Variants in CACNB2 observed in about 807,000 individuals in gnomAD.
CACNB2 encodes voltage-dependent L-type calcium channel subunit beta-2.
Under a neutral mutation model 73.3 loss-of-function variants are expected in CACNB2, and 42 were observed. The observed-to-expected ratio is 0.57, with a 90% confidence interval of 0.45 to 0.74. The LOEUF (loss-of-function observed/expected upper bound fraction) is 0.74. CACNB2 is among the 30% of genes least tolerant of loss of function. The probability of loss-of-function intolerance (pLI) is 0.00; values close to 1 mark genes in which losing one functional copy is unlikely to be tolerated. For synonymous variants in CACNB2, 348 were observed against 310.3 expected (o/e 1.12, Z -1.28); for missense variants, 940 against 853.0 (o/e 1.10, Z -1.27).
intron 2 of CACNB2, among the ~76,000 whole-genome samples, chr10:18,225,626 TTCC>T (rs2035963097): frequency 7.1e-6 from 1 of 141,346 alleles, no homozygotes; most frequent in Non-Finnish European, 1.5e-5. Flanking sequence ...TCTTCCTTCC[TTCC>T]TTTCTTTCTT....
chr10:18,414,752 A>G (rs2044844848), intron 3 of CACNB2, among the ~76,000 whole-genome samples: 1 of 149,652 alleles, frequency 6.7e-6, no homozygotes, highest in African/African-American at 2.5e-5. Context: ...AGGAAGGATT[A>G]TTATAAATTG....
At chr10:18,430,509 A>G (rs1408750409) in intron 3 of CACNB2, among the ~76,000 whole-genome samples, 1 of 151,926 alleles carries the variant, frequency 6.6e-6, no homozygotes, top group Non-Finnish European at 1.5e-5. Context: ...GGAGGCCTAT[A>G]GTTCCAGGTA....
chr10:18,422,872 A>G (rs1004240717), intron 3 of CACNB2, among the ~76,000 whole-genome samples: 1 of 152,090 alleles, frequency 6.6e-6, no homozygotes, highest in Admixed American at 6.6e-5. Context: ...CTAATTTTGT[A>G]TTTTTAGTAG....
chr10:18,365,836 C>G (rs1442634339), intron 2 of CACNB2, among the ~76,000 whole-genome samples: 3 of 152,096 alleles, frequency 2.0e-5, no homozygotes, highest in Admixed American at 6.5e-5. Flanking sequence ...AAATTATTCA[C>G]AATGTGAAGG....
rs540781263 is a variant in CACNB2, at chr10:18,462,246, A to G, written c.334-36109A>G. On this transcript the variant is annotated intron_variant, in intron 3 of 13. Transcript: ENST00000324631. Reference sequence around the variant, plus strand: ...CACTGCCTGTAAGACAGCAAATAGGAGCGCTGGTTGGTTGATTGATTGATT... The same window carrying G: ...CACTGCCTGTAAGACAGCAAATAGGGGCGCTGGTTGGTTGATTGATTGATT... Among the ~76,000 whole-genome samples the G allele has an allele frequency of 3.9e-5, 6 of 152,282 alleles. No homozygotes were observed. The East Asian group carries it at 9.7e-4, about 25-fold the overall frequency.
chr10:18,231,655 G>A (rs1295653404), intron 2 of CACNB2, among the ~76,000 whole-genome samples: 2 of 152,192 alleles, frequency 1.3e-5, no homozygotes, highest in African/African-American at 4.8e-5. Flanking sequence ...GTAAGTGATT[G>A]ATTGACAGCT....
intron 2 of CACNB2, among the ~76,000 whole-genome samples, chr10:18,193,807 G>A (rs563087322): frequency 3.4e-4 from 52 of 152,272 alleles, no homozygotes; most frequent in African/African-American, 1.2e-3. Context: ...ATTATATGCT[G>A]GGTACTCCTC....
At chr10:18,155,540 A>G (rs1243505852) in intron 2 of CACNB2, among the ~76,000 whole-genome samples, 1 of 152,148 alleles carries the variant, frequency 6.6e-6, no homozygotes, top group African/African-American at 2.4e-5. Flanking sequence ...TGCTCCTTTC[A>G]TACACATATG....
At chr10:18,171,997 G>A (rs1034723819) in intron 2 of CACNB2, among the ~76,000 whole-genome samples, 1 of 152,052 alleles carries the variant, frequency 6.6e-6, no homozygotes. Flanking sequence ...TAGATGAATA[G>A]TAGAGGAAAC....
rs2054035105 is a variant in CACNB2 at position 18,540,858 on chromosome 10, T to C, written c.*1134T>C. On this transcript the variant is annotated 3_prime_UTR_variant, in exon 14 of 14. Transcript: ENST00000324631. Reference sequence around the variant, plus strand: ...TCGCTCTGTATTTAATTAATTGTGCTATATGTTGCTTTAACAACCCATTGA... The same window carrying C: ...TCGCTCTGTATTTAATTAATTGTGCCATATGTTGCTTTAACAACCCATTGA... The C allele has an allele frequency of 6.6e-6, 1 of 152,656 alleles. No homozygotes were observed. Among genetic ancestry groups the C allele is most frequent in the Admixed American group, 6.5e-5 (1 of 15,284 alleles). 9.5% of individuals were successfully genotyped at this position (152,656 alleles called of 1,614,324 possible). A position where few individuals can be genotyped will look rare whatever the true frequency, so the allele number is the denominator to read the frequency against.
At chr10:18,215,145 G>A (rs11013039) in intron 2 of CACNB2, among the ~76,000 whole-genome samples, 9,859 of 152,142 alleles carry the variant, frequency 0.065, 961 homozygotes, top group African/African-American at 0.21. Flanking sequence ...TATTCATGGG[G>A]GCAGTGACAT....
rs991471598 is a variant in CACNB2, at chr10:18,536,243, C to T, written c.1302+47C>T. 1.7e-3 allele frequency: 491 copies of T among 283,062 alleles called. 6 individuals carry two copies. The highest frequency in any genetic ancestry group is 7.8e-3 in the South Asian group (212 of 27,088). 17.5% of individuals were successfully genotyped at this position (283,062 alleles called of 1,614,324 possible). ...CATAATCCAGTTACAGAGATCAGAC[C>T]TTTTTTTTTTTTTTTTTTTTTTTTT... On this transcript the variant is annotated intron_variant, in intron 12 of 13. Transcript: ENST00000324631.
At chr10:18,295,927 C>T (rs2039259710) in intron 2 of CACNB2, among the ~76,000 whole-genome samples, 1 of 151,094 alleles carries the variant, frequency 6.6e-6, no homozygotes, top group Non-Finnish European at 1.5e-5. Context: ...ATCACCTTTC[C>T]TTGGTCATTG....
At position 18,205,854 on chromosome 10, in the gene CACNB2, GAC is replaced by G. The variant is rs373344292; in HGVS notation, c.213+54881_213+54882del. On this transcript the variant is annotated intron_variant, in intron 2 of 13. Transcript: ENST00000324631. The stretch of plus-strand genomic sequence containing the variant: ...CAAAGAGTTTCTACAACCCATCAGA[GAC>G]AGGAAGGCATCTTTGTTCTTGCTCC... Among the ~76,000 whole-genome samples the G allele has an allele frequency of 1.9e-3, 289 of 152,262 alleles. 3 individuals carry two copies. The highest frequency in any genetic ancestry group is 5.9e-3 in the African/African-American group (243 of 41,536).
chr10:18,359,269 T>TTTTG (rs753121625), intron 2 of CACNB2, among the ~76,000 whole-genome samples: 2 of 152,190 alleles, frequency 1.3e-5, no homozygotes, highest in South Asian at 4.1e-4. Context: ...TTGTTTTGTT[T>TTTTG]TTTGTTTGTT....
intron 2 of CACNB2, among the ~76,000 whole-genome samples, chr10:18,390,236 G>A (rs1434469445): frequency 1.3e-5 from 2 of 152,180 alleles, no homozygotes; most frequent in East Asian, 3.8e-4. Context: ...TTCTTGAGAC[G>A]GAGTCTCACT....
chr10:18,242,841 A>T (rs1377176967), intron 2 of CACNB2, among the ~76,000 whole-genome samples: 2 of 127,162 alleles, frequency 1.6e-5, no homozygotes, highest in Non-Finnish European at 3.4e-5. Context: ...AAAAAAAAAA[A>T]CCAAAAAAAC....
At chr10:18,378,038 T>C (rs1348022548) in intron 2 of CACNB2, among the ~76,000 whole-genome samples, 1 of 152,158 alleles carries the variant, frequency 6.6e-6, no homozygotes, top group Non-Finnish European at 1.5e-5. Flanking sequence ...CTGCTTCAGC[T>C]GCTTGTTGGG....
chr10:18,511,580 T>C (rs1387513585), intron 6 of CACNB2, among the ~76,000 whole-genome samples: 1 of 152,208 alleles, frequency 6.6e-6, no homozygotes, highest in Non-Finnish European at 1.5e-5. Flanking sequence ...CTTCCTTCAA[T>C]CTAAATGTAC....
Sources: gnomAD v4.1 joint callset for allele counts (sites outside exome capture counted in the v4.1 genomes callset) on GRCh38, gnomAD v4.1.1 for gene constraint, MANE v1.5 for transcripts, NCBI Gene and HGNC (gene_info 2026-07-23, HGNC 2026-07-21) for gene names.